TRIM65: variants seen among roughly 807,000 people sequenced by gnomAD.
TRIM65 encodes tripartite motif containing 65, also known as E3 ubiquitin-protein ligase TRIM65.
TRIM65 carries 46 observed loss-of-function variants against 36.1 expected under a neutral mutation model. That is an observed-to-expected ratio of 1.27 (90% confidence interval 1.01 to 1.63). TRIM65 has a LOEUF of 1.63. TRIM65 is among the 40% of genes most tolerant of loss of function. The pLI, the probability that TRIM65 is intolerant of heterozygous loss-of-function variation, is 0.00. For synonymous variants in TRIM65, 346 were observed against 313.6 expected, an observed-to-expected ratio of 1.10 and a Z score of -1.09; for missense variants, 708 against 696.6, an observed-to-expected ratio of 1.02 and a Z score of -0.18.
At position 75,896,885 on chromosome 17, in the gene TRIM65, A is replaced by G; in HGVS notation, c.53T>C (p.Leu18Pro). Residue 18 changes from leucine (L) to proline (P), a missense_variant, in exon 1 of 6, where the codon CTC becomes CCC. By Grantham distance (98) the Leu-to-Pro change is moderately conservative. Transcript: ENST00000269383. ...EKLTCAICLG[L>P]YQDPVTLPCG... is the part of the protein sequence containing the mutation. ...GGGCAGCGTCACTGGGTCCTGGTAGAGCCCCAGGCAGATGGCGCAGGTCAG... is the reference window on the plus strand; with the variant it reads ...GGGCAGCGTCACTGGGTCCTGGTAGGGCCCCAGGCAGATGGCGCAGGTCAG... 2.0e-6 allele frequency: 3 copies of G among 1,524,274 alleles called. No individual in the cohort carries two copies. The highest frequency in any genetic ancestry group is 2.6e-6 in the Non-Finnish European group (3 of 1,140,012). 94.4% of individuals were successfully genotyped at this position (1,524,274 alleles called of 1,614,324 possible). A position where few individuals can be genotyped will look rare whatever the true frequency, so the allele number is the denominator to read the frequency against.
chr17:75,882,461 G>C (rs746802950), intron 4 of TRIM65, among the ~76,000 whole-genome samples: 1 of 150,514 alleles, frequency 6.6e-6, no homozygotes, highest in African/African-American at 2.5e-5. Context: ...TGCCTGCCTC[G>C]GCCTCCCAAA....
chr17:75,892,658 C>T lies in TRIM65; in HGVS notation c.510+97G>A, dbSNP rs759600997. 2.9e-4 allele frequency: 383 copies of T among 1,315,564 alleles called. 1 individual carries two copies. The highest frequency in any genetic ancestry group is 3.9e-4 in the Non-Finnish European group (370 of 947,852). The allele number at this position is 1,315,564 out of a possible 1,614,324, so 81.5% of individuals were successfully genotyped here. On this transcript the variant is annotated intron_variant, in intron 2 of 5. Transcript: ENST00000269383. ...CCCCTGTGCCCAGCTCCCTGCTCAG[C>T]CCCGCTCCCTGCTGCCTGGTGTTCC...
chr17:75,896,894 C>A lies in TRIM65; in HGVS notation c.44G>T (p.Cys15Phe). 1 of 1,520,606 alleles carries A rather than the reference C, an allele frequency of 6.6e-7. No homozygotes were observed. The highest frequency in any genetic ancestry group is 8.8e-7 in the Non-Finnish European group (1 of 1,138,436). The allele number at this position is 1,520,606 out of a possible 1,614,324, so 94.2% of individuals were successfully genotyped here. Residue 15 changes from cysteine to phenylalanine, a missense_variant, in exon 1 of 6, where the codon TGC (cysteine) becomes TTC (phenylalanine). Physicochemically the swap from Cys to Phe is radical, Grantham distance 205 (BLOSUM62 -2). Transcript: ENST00000269383. ...CACTGGGTCCTGGTAGAGCCCCAGG[C>A]AGATGGCGCAGGTCAGCTTCTCCTC... is the stretch of plus-strand genomic sequence containing the variant. ...LLEEKLTCAI[C>F]LGLYQDPVTL...
chr17:75,896,648 C>A lies in TRIM65; in HGVS notation c.290G>T (p.Arg97Leu). Reference sequence around the variant, plus strand: ...GAAGAGCTCCAGCGGCCGCCCGTGGCGGGGGCAGCGCGCGGCAGGGTCGGG... The same window carrying A: ...GAAGAGCTCCAGCGGCCGCCCGTGGAGGGGGCAGCGCGCGGCAGGGTCGGG... Reference protein sequence around the residue: ...PGPDPAARCPRHGRPLELFCR... With the variant: ...PGPDPAARCPLHGRPLELFCR... The change falls in exon 1 of 6, where the codon CGC (arginine) becomes CTC (leucine). Residue 97 changes from arginine to leucine, a missense_variant. Arg to Leu is a moderately radical substitution (Grantham distance 102, BLOSUM62 -2). Coordinates refer to ENST00000269383, the MANE Select transcript of TRIM65 (RefSeq NM_173547.4). 1.6e-6 allele frequency: 2 copies of A among 1,240,656 alleles called. No homozygotes were observed. The allele number at this position is 1,240,656 out of a possible 1,614,324, so 76.9% of individuals were successfully genotyped here. A position where few individuals can be genotyped will look rare whatever the true frequency, so the allele number is the denominator to read the frequency against.
In TRIM65 at chr17:75,890,811, G is replaced by A; in HGVS notation, c.1522C>T (p.Pro508Ser). ...AGCACCTCTTCCTGGGGCCCCAGAGGGAACACAGCCCCTGGCTGATGGCAC... is the reference window on the plus strand; with the variant it reads ...AGCACCTCTTCCTGGGGCCCCAGAGAGAACACAGCCCCTGGCTGATGGCAC... ...TLCHQPGAVF[P>S]LGPQEEVLS Residue 508 changes from proline (P) to serine (S), a missense_variant, in exon 6 of 6, where the codon CCT becomes TCT. By Grantham distance (74) the Pro-to-Ser change is moderately conservative. Transcript: ENST00000269383. 1 of 1,504,856 alleles carries A rather than the reference G, an allele frequency of 6.6e-7. No homozygotes were observed. Among genetic ancestry groups the A allele is most frequent in the Non-Finnish European group, 8.9e-7 (1 of 1,128,612 alleles). The allele number at this position is 1,504,856 out of a possible 1,614,324, so 93.2% of individuals were successfully genotyped here.
At position 75,896,830 on chromosome 17, in the gene TRIM65, G is replaced by C; in HGVS notation, c.108C>G (p.Ile36Met). The C allele has an allele frequency of 6.6e-7, 1 of 1,522,858 alleles. No homozygotes were observed. Among genetic ancestry groups the C allele is most frequent in the Non-Finnish European group, 8.8e-7 (1 of 1,137,572 alleles). 94.3% of individuals were successfully genotyped at this position (1,522,858 alleles called of 1,614,324 possible). The change falls in exon 1 of 6, where the codon ATC becomes ATG. Residue 36 changes from isoleucine (I) to methionine (M), a missense_variant. Physicochemically the swap from Ile to Met is conservative, Grantham distance 10. Transcript: ENST00000269383. ...PCGHNFCGAC[I>M]RDWWDRCGKA... ...TTCCGCAGCGGTCCCACCAGTCCCG[G>C]ATGCAGGCCCCGCAGAAGTTGTGGC...
chr17:75,895,492 CA>C (rs1230209170), intron 1 of TRIM65, among the ~76,000 whole-genome samples: 1 of 152,220 alleles, frequency 6.6e-6, no homozygotes, highest in Non-Finnish European at 1.5e-5. Context: ...GCCTGGCCCA[CA>C]GATCTCAGTG....
At position 75,890,243 on chromosome 17, in the gene TRIM65, A is replaced by T. The variant is rs914205619; in HGVS notation, c.*536T>A. ...AACACAAAAATGTTTAAATGCAGAAAACAAAATTGTTTGTAGAATACAATT... is the reference window on the plus strand; with the variant it reads ...AACACAAAAATGTTTAAATGCAGAATACAAAATTGTTTGTAGAATACAATT... On this transcript the variant is annotated 3_prime_UTR_variant, in exon 6 of 6. Coordinates refer to ENST00000269383, the MANE Select transcript of TRIM65 (RefSeq NM_173547.4). 1.3e-5 allele frequency: 2 copies of T among 152,300 alleles called. No individual in the cohort carries two copies. The highest frequency in any genetic ancestry group is 2.9e-5 in the Non-Finnish European group (2 of 68,086). 9.4% of individuals were successfully genotyped at this position (152,300 alleles called of 1,614,324 possible).
At chr17:75,886,243 C>T (rs986245664), downstream of TRIM65, among the ~76,000 whole-genome samples, 1 of 152,172 alleles carries the variant, frequency 6.6e-6, no homozygotes, top group Non-Finnish European at 1.5e-5. Flanking sequence ...TCTTTCCTGG[C>T]TAGGCGCGGT....
intron 1 of TRIM65, among the ~76,000 whole-genome samples, chr17:75,895,811 G>A (rs530824502): frequency 1.3e-5 from 2 of 152,308 alleles, no homozygotes; most frequent in South Asian, 2.1e-4. Flanking sequence ...CAGGGAGCTC[G>A]TCTGATCCAT....
chr17:75,883,588 C>T (rs1449856389), intron 4 of TRIM65, among the ~76,000 whole-genome samples: 1 of 121,220 alleles, frequency 8.2e-6, no homozygotes, highest in Non-Finnish European at 1.6e-5. Flanking sequence ...AGTGCAGTGG[C>T]GCCATCTTGG....
chr17:75,886,521 C>CA (rs537579897), downstream of TRIM65, among the ~76,000 whole-genome samples: 1,235 of 76,322 alleles, frequency 0.016, 8 homozygotes, highest in East Asian at 0.028. Flanking sequence ...GACTCCGTTT[C>CA]AAAAAAAAAA....
At position 75,890,738 on chromosome 17, in the gene TRIM65, G is replaced by T; in HGVS notation, c.*41C>A. 1 of 1,420,758 alleles carries T rather than the reference G, an allele frequency of 7.0e-7. No individual in the cohort carries two copies. Among genetic ancestry groups the T allele is most frequent in the Non-Finnish European group, 9.2e-7 (1 of 1,083,750 alleles). The allele number at this position is 1,420,758 out of a possible 1,614,324, so 88.0% of individuals were successfully genotyped here. A position where few individuals can be genotyped will look rare whatever the true frequency, so the allele number is the denominator to read the frequency against. On this transcript the variant is annotated 3_prime_UTR_variant, in exon 6 of 6. Coordinates refer to ENST00000269383, the MANE Select transcript of TRIM65 (RefSeq NM_173547.4). ...AGCTGGGCAGCTCTTGGGCACATAG[G>T]CATGGTGGCAGCTATGCCAGGGCTC...
chr17:75,884,749 GCTGGGAC>G (rs1351408529), downstream of TRIM65, among the ~76,000 whole-genome samples: 3 of 152,124 alleles, frequency 2.0e-5, no homozygotes, highest in Admixed American at 6.5e-5. Context: ...CTCCCAGGAA[GCTGGGAC>G]CACAGGCGCA....
downstream of TRIM65, among the ~76,000 whole-genome samples, chr17:75,884,512 G>T (rs1184115134): frequency 6.6e-6 from 1 of 152,118 alleles, no homozygotes; most frequent in Non-Finnish European, 1.5e-5. Flanking sequence ...TAGTAATGTT[G>T]TGTCCCACTG....
intron 4 of TRIM65, among the ~76,000 whole-genome samples, chr17:75,882,833 G>C (rs2065176737): frequency 6.7e-6 from 1 of 149,706 alleles, no homozygotes. Flanking sequence ...TAGTGCTTGA[G>C]AAAAAAAGGA....
At chr17:75,891,469 C>G (rs897606215) in intron 5 of TRIM65, 122 bp from the exon 6 acceptor site, 12 of 1,051,832 alleles carry the variant, frequency 1.1e-5, no homozygotes, top group Non-Finnish European at 1.4e-5. Context: ...GCACTTAATC[C>G]TCGCCACGAC....
At chr17:75,882,178 G>A (rs1489854200) in intron 4 of TRIM65, among the ~76,000 whole-genome samples, 2 of 150,310 alleles carry the variant, frequency 1.3e-5, no homozygotes, top group Non-Finnish European at 2.9e-5. Context: ...GCACAGAGAT[G>A]CGGTTTGTCA....
downstream of TRIM65, among the ~76,000 whole-genome samples, chr17:75,886,735 A>G (rs1422213548): frequency 6.6e-6 from 1 of 152,012 alleles, no homozygotes; most frequent in Non-Finnish European, 1.5e-5. Flanking sequence ...ATTGTGCACA[A>G]CTGAAGCCCA....
Sources: allele counts gnomAD v4.1 joint callset (sites outside exome capture counted in the v4.1 genomes callset), GRCh38; gene constraint gnomAD v4.1.1; transcripts MANE v1.5; gene names NCBI Gene and HGNC (gene_info 2026-07-23, HGNC 2026-07-21).